Variants in ZSCAN5A observed in about 807,000 individuals in gnomAD.
The protein encoded by ZSCAN5A is zinc finger and SCAN domain-containing protein 5A.
A neutral mutation model predicts 23.7 loss-of-function variants in ZSCAN5A; 12 were observed. The observed-to-expected ratio is 0.51, with a 90% CI of 0.32 to 0.82. The LOEUF (loss-of-function observed/expected upper bound fraction) is 0.82. Among genes scored for constraint, ZSCAN5A ranks in the 40% least tolerant of loss-of-function variants. The pLI, the probability that ZSCAN5A is intolerant of heterozygous loss-of-function variation, is 0.03. For missense variants in ZSCAN5A, 597 were observed against 617.9 expected, an observed-to-expected ratio of 0.97 and a Z score of 0.36; for synonymous variants, 257 against 239.9, an observed-to-expected ratio of 1.07 and a Z score of -0.66.
At chr19:56,315,960 G>A (rs1600275625), upstream of ZSCAN5A, 1 of 152,108 alleles carries the variant, frequency 6.6e-6, no homozygotes, top group Admixed American at 6.5e-5. Flanking sequence ...CTTCCTCCAG[G>A]GTCTTTGTGT....
At chr19:56,244,143 G>C in intron 2 of ZSCAN5A, 1 of 1,602,004 alleles carries the variant, frequency 6.2e-7, no homozygotes, top group Middle Eastern at 1.7e-4. Flanking sequence ...ACTCAACTTG[G>C]AAATCATGAC....
Position 56,225,021 on chromosome 19 carries a change from C to T in ZSCAN5A, c.26G>A (p.Trp9Ter), listed in dbSNP as rs1242687972. 1.9e-6 allele frequency: 3 copies of T among 1,604,476 alleles called. No homozygotes were observed. The highest frequency in any genetic ancestry group is 2.6e-6 in the Non-Finnish European group (3 of 1,173,836). Residue 9 changes from tryptophan to a stop codon, truncating the protein, a stop_gained, in exon 3 of 6, where the codon TGG becomes TAG. Transcript: ENST00000683990. LOFTEE classifies it high-confidence loss of function. MAANCTSS[W>*]SLGESCNRPG... is the part of the protein sequence containing the mutation. The stretch of plus-strand genomic sequence containing the variant: ...TCTGTTGCAGGATTCTCCTAGACTC[C>T]ATGAGGATGTGCAATTTGCAGCCAT...
intron 2 of ZSCAN5A, chr19:56,342,487 C>A: frequency 2.5e-6 from 1 of 400,134 alleles, no homozygotes; most frequent in Non-Finnish European, 5.1e-6. Flanking sequence ...TCTGTGTGGG[C>A]TGGAACAGTA....
At chr19:56,287,208 A>T (rs966188853) in intron 2 of ZSCAN5A, among the ~76,000 whole-genome samples, 4 of 152,182 alleles carry the variant, frequency 2.6e-5, no homozygotes, top group African/African-American at 9.7e-5. Flanking sequence ...CTGGAAGTAG[A>T]ACTCTCCTCC....
At chr19:56,302,657 CCCT>C (rs1600237223) in intron 2 of ZSCAN5A, among the ~76,000 whole-genome samples, 1 of 112,612 alleles carries the variant, frequency 8.9e-6, no homozygotes, top group South Asian at 3.6e-4. Flanking sequence ...TTCCCCCCCT[CCCT>C]GTTCTTTCCT....
intron 2 of ZSCAN5A, among the ~76,000 whole-genome samples, chr19:56,228,015 G>C (rs2034116455): frequency 6.6e-6 from 1 of 152,140 alleles, no homozygotes; most frequent in South Asian, 2.1e-4. Context: ...ATTCAAGCGA[G>C]ACCCTGTCTC....
At chr19:56,273,332 G>T (rs897129001) in intron 2 of ZSCAN5A, among the ~76,000 whole-genome samples, 1 of 152,160 alleles carries the variant, frequency 6.6e-6, no homozygotes, top group African/African-American at 2.4e-5. Flanking sequence ...CTTTTGCGAC[G>T]TAAAGACACC....
intron 2 of ZSCAN5A, among the ~76,000 whole-genome samples, chr19:56,303,961 A>G (rs576978369): frequency 2.6e-5 from 4 of 152,286 alleles, no homozygotes; most frequent in African/African-American, 7.2e-5. Context: ...AGGAACATCT[A>G]TGTGACCTGA....
At chr19:56,291,966 C>A (rs192840418) in intron 2 of ZSCAN5A, among the ~76,000 whole-genome samples, 55 of 152,310 alleles carry the variant, frequency 3.6e-4, no homozygotes, top group Non-Finnish European at 6.9e-4. Flanking sequence ...TTATTCCCCA[C>A]AACTTCTTCA....
At chr19:56,368,126 C>G (rs1384495694) in intron 1 of ZSCAN5A, 1 of 152,372 alleles carries the variant, frequency 6.6e-6, no homozygotes, top group Non-Finnish European at 1.5e-5. Context: ...GCCGAACTCA[C>G]GCCTACGTAC....
chr19:56,363,126 G>GC (rs2041744845), intron 2 of ZSCAN5A: 1 of 152,100 alleles, frequency 6.6e-6, no homozygotes, highest in Admixed American at 6.5e-5. Context: ...GTGGTTACCT[G>GC]CCCATATTTC....
At chr19:56,259,962 A>G (rs562702263) in intron 2 of ZSCAN5A, among the ~76,000 whole-genome samples, 1 of 152,372 alleles carries the variant, frequency 6.6e-6, no homozygotes, top group South Asian at 2.1e-4. Context: ...TGACAGAGCG[A>G]GACCTTGTTT....
At chr19:56,239,972 G>A (rs7251175) in intron 2 of ZSCAN5A, among the ~76,000 whole-genome samples, 19,958 of 151,880 alleles carry the variant, frequency 0.13, 1,711 homozygotes, top group African/African-American at 0.23. Flanking sequence ...GACCAGCCTG[G>A]CCAACATGGT....
intron 2 of ZSCAN5A, among the ~76,000 whole-genome samples, chr19:56,242,449 G>C (rs896106719): frequency 8.5e-5 from 13 of 152,168 alleles, no homozygotes; most frequent in African/African-American, 2.4e-4. Context: ...GATGTGTGGT[G>C]TGTAAATATT....
chr19:56,291,392 C>T (rs951362639), intron 2 of ZSCAN5A, among the ~76,000 whole-genome samples: 9 of 152,194 alleles, frequency 5.9e-5, no homozygotes, highest in Non-Finnish European at 1.3e-4. Context: ...GGAGTAAAGT[C>T]TCAAAGAAGC....
At chr19:56,296,168 C>T (rs2147204025) in intron 2 of ZSCAN5A, 1 of 152,452 alleles carries the variant, frequency 6.6e-6, no homozygotes, top group East Asian at 1.9e-4. Flanking sequence ...CTGTGTGGCA[C>T]AGGGGGGAGG....
intron 1 of ZSCAN5A, chr19:56,367,171 G>T (rs1161894254): frequency 2.0e-5 from 3 of 152,100 alleles, no homozygotes; most frequent in Admixed American, 1.3e-4. Context: ...ACCAGCCTGG[G>T]TAACATAGTG....
chr19:56,309,980 G>A (rs776475150), intron 2 of ZSCAN5A: 1 of 152,430 alleles, frequency 6.6e-6, no homozygotes, highest in African/African-American at 2.4e-5. Flanking sequence ...TGGGGAGAAT[G>A]GGCTAAGCTG....
intron 2 of ZSCAN5A, among the ~76,000 whole-genome samples, chr19:56,292,958 A>G (rs915332275): frequency 2.0e-5 from 3 of 152,138 alleles, no homozygotes; most frequent in East Asian, 1.9e-4. Flanking sequence ...TTTTAATCCA[A>G]TCATCCACTG....
Sources: gnomAD v4.1 joint callset for allele counts (sites outside exome capture counted in the v4.1 genomes callset) on GRCh38, gnomAD v4.1.1 for gene constraint, MANE v1.5 for transcripts, NCBI Gene and HGNC (gene_info 2026-07-23, HGNC 2026-07-21) for gene names.